Variants in STK24 observed in about 807,000 individuals in gnomAD.
STK24 encodes serine/threonine-protein kinase 24.
STK24 carries 21 observed loss-of-function variants against 55.6 expected under a neutral mutation model. That is an observed-to-expected ratio of 0.38 (90% CI 0.27 to 0.54). The LOEUF is 0.54. Ranked by LOEUF, STK24 falls within the 20% of genes least tolerant of loss-of-function variation. STK24 has a pLI of 0.79. For missense variants in STK24, 383 were observed against 538.4 expected (o/e 0.71, Z 2.86); for synonymous variants, 200 against 215.2 (o/e 0.93, Z 0.62).
At chr13:98,535,694 A>G (rs1474424090) in intron 1 of STK24, among the ~76,000 whole-genome samples, 1 of 152,128 alleles carries the variant, frequency 6.6e-6, no homozygotes, top group Non-Finnish European at 1.5e-5. Context: ...CAGCTGAGAC[A>G]ATTCGGGCAC....
At position 98,569,567 on chromosome 13, in the gene STK24, G is replaced by A. The variant is rs185405480; in HGVS notation, c.42+7178C>T. On this transcript the variant is annotated intron_variant, in intron 1 of 10. Coordinates refer to ENST00000539966, the MANE Select transcript of STK24 (RefSeq NM_001032296.4). ...GTGACGAAAGGCACAGGTGCCACCCGAACTTCCTAAGACAAGGTTGCAACA... is the reference window on the plus strand; with the variant it reads ...GTGACGAAAGGCACAGGTGCCACCCAAACTTCCTAAGACAAGGTTGCAACA... 2.5e-3 allele frequency among the ~76,000 whole-genome samples: 373 copies of A among 152,236 alleles called. 3 individuals are homozygous for A. The highest frequency in any genetic ancestry group is 8.2e-3 in the African/African-American group (339 of 41,542).
At chr13:98,543,084 C>G (rs1896932917) in intron 1 of STK24, 1 of 925,088 alleles carries the variant, frequency 1.1e-6, no homozygotes, top group Non-Finnish European at 1.3e-6. Context: ...GGGGGAGAGG[C>G]CGCAGCTCCG....
At chr13:98,514,759 T>C (rs1464698086) in intron 2 of STK24, among the ~76,000 whole-genome samples, 1 of 152,210 alleles carries the variant, frequency 6.6e-6, no homozygotes, top group Non-Finnish European at 1.5e-5. Flanking sequence ...AAATAATTTA[T>C]CATAAAAGAA....
rs775223138 is a variant in STK24, at chr13:98,475,289, A to G, written c.400T>C (p.Tyr134His). 1 of 1,613,852 alleles carries G rather than the reference A, an allele frequency of 6.2e-7. No individual in the cohort carries two copies. Among genetic ancestry groups the G allele is most frequent in the Non-Finnish European group, 8.5e-7 (1 of 1,179,828 alleles). ...ILREILKGLD[Y>H]LHSEKKIHRD... ...TGGATTTTCTTCTCCGAATGGAGAT[A>G]ATCGAGTCCTTTCAGTATTTCTCTT... The change falls in exon 4 of 11, where the codon TAT (tyrosine) becomes CAT (histidine). Residue 134 changes from tyrosine to histidine, a missense_variant. Tyr to His is a moderately conservative substitution (Grantham distance 83). Transcript: ENST00000539966.
At chr13:98,563,256 C>T (rs955444279) in intron 1 of STK24, among the ~76,000 whole-genome samples, 3 of 152,256 alleles carry the variant, frequency 2.0e-5, no homozygotes, top group Admixed American at 6.5e-5. Flanking sequence ...CCCAGAATAC[C>T]GATGCTATTA....
intron 1 of STK24, among the ~76,000 whole-genome samples, chr13:98,535,396 T>TACACAC (rs1566392211): frequency 1.0e-4 from 6 of 60,090 alleles, no homozygotes; most frequent in African/African-American, 5.0e-4. Context: ...TATATGTGTG[T>TACACAC]ATACACACAC....
intron 2 of STK24, among the ~76,000 whole-genome samples, chr13:98,504,324 G>A (rs763501626): frequency 2.0e-5 from 3 of 152,214 alleles, no homozygotes; most frequent in Non-Finnish European, 4.4e-5. Flanking sequence ...TCAAGCCTGT[G>A]CAAGGTTGCA....
chr13:98,495,718 CTTTTA>C (rs1258156837), intron 2 of STK24, among the ~76,000 whole-genome samples: 1 of 152,200 alleles, frequency 6.6e-6, no homozygotes, highest in African/African-American at 2.4e-5. Flanking sequence ...CAAAGCAGAT[CTTTTA>C]TATTATCTTC....
At position 98,446,825 on chromosome 13, in the gene STK24, C is replaced by T; in HGVS notation, c.*6348G>A. The T allele has an allele frequency of 1.2e-6, 2 of 1,613,854 alleles. No individual in the cohort carries two copies. The highest frequency in any genetic ancestry group is 8.5e-7 in the Non-Finnish European group (1 of 1,179,848). ...CGAGTACACGTTCGAAAGGTAGACACCCCCTTCCCACGCACAGGGCCCTGC... is the reference window on the plus strand; with the variant it reads ...CGAGTACACGTTCGAAAGGTAGACATCCCCTTCCCACGCACAGGGCCCTGC... On this transcript the variant is annotated 3_prime_UTR_variant, in exon 11 of 11. Transcript: ENST00000539966.
intron 5 of STK24, among the ~76,000 whole-genome samples, chr13:98,469,542 C>CA (rs1236883813): frequency 1.5e-5 from 2 of 133,794 alleles, no homozygotes; most frequent in Non-Finnish European, 3.4e-5. Flanking sequence ...CATCCCCCCC[C>CA]CCAAAAAAAA....
chr13:98,518,273 T>C (rs1189791197), intron 2 of STK24, among the ~76,000 whole-genome samples: 2 of 152,176 alleles, frequency 1.3e-5, no homozygotes, highest in African/African-American at 2.4e-5. Context: ...ACTGTATTTC[T>C]ACAAAAGCAA....
intron 8 of STK24, among the ~76,000 whole-genome samples, chr13:98,461,062 G>T (rs1172360667): frequency 6.6e-6 from 1 of 150,968 alleles, no homozygotes; most frequent in Non-Finnish European, 1.5e-5. Context: ...AAAAGAGAGA[G>T]AGAGAGAGAG....
rs1289141375 is a variant in STK24 at position 98,552,438 on chromosome 13, C to T, written c.42+24307G>A. On this transcript the variant is annotated intron_variant, in intron 1 of 10. Coordinates refer to ENST00000539966, the MANE Select transcript of STK24 (RefSeq NM_001032296.4). ...AGAGGCAAACCATCTGCAGCTAAGC[C>T]GGCGGAGGTCTTCTTCCACTCAACC... is the stretch of plus-strand genomic sequence containing the variant. 3.9e-5 allele frequency among the ~76,000 whole-genome samples: 6 copies of T among 152,186 alleles called. No homozygotes were observed. In the East Asian group the frequency reaches 7.7e-4, roughly 20 times the overall value.
intron 1 of STK24, among the ~76,000 whole-genome samples, chr13:98,561,374 G>A (rs190268466): frequency 1.7e-4 from 26 of 151,920 alleles, no homozygotes; most frequent in Non-Finnish European, 3.7e-4. Context: ...CTTGAGGTCA[G>A]GAGTTCAAGA....
intron 1 of STK24, among the ~76,000 whole-genome samples, chr13:98,562,356 C>T (rs2139453277): frequency 6.6e-6 from 1 of 152,274 alleles, no homozygotes; most frequent in Middle Eastern, 3.4e-3. Context: ...ACCATGTACG[C>T]ATAACGGGGC....
At position 98,453,126 on chromosome 13, in the gene STK24, T is replaced by C. The variant is rs780140974; in HGVS notation, c.*47A>G. ...GTTGACTTTTAAAAAAGGAGGAGGA[T>C]GAAGAAGGAAAAAAGGAAAAACAAA... On this transcript the variant is annotated 3_prime_UTR_variant, in exon 11 of 11. Transcript: ENST00000539966. 3 of 1,606,308 alleles carry C rather than the reference T, an allele frequency of 1.9e-6. No homozygotes were observed. The highest frequency in any genetic ancestry group is 2.2e-5 in the South Asian group (2 of 90,632).
intron 1 of STK24, among the ~76,000 whole-genome samples, chr13:98,549,085 C>T (rs1036519317): frequency 1.3e-5 from 2 of 152,142 alleles, no homozygotes; most frequent in African/African-American, 4.8e-5. Flanking sequence ...GTAGATAACA[C>T]ATGCTGTGAA....
chr13:98,537,366 T>C (rs890461429), intron 1 of STK24, among the ~76,000 whole-genome samples: 11 of 152,206 alleles, frequency 7.2e-5, no homozygotes, highest in African/African-American at 2.7e-4. Context: ...GATGTCTGCT[T>C]TGAACAGCAG....
In STK24 at chr13:98,447,991, G is replaced by A; in HGVS notation, c.*5182C>T. On this transcript the variant is annotated 3_prime_UTR_variant, in exon 11 of 11. Coordinates refer to ENST00000539966, the MANE Select transcript of STK24 (RefSeq NM_001032296.4). ...CCACCTCGCTCCTAACTGCTCCAAT[G>A]GAGCGGGCAGTGTCACTGCAGCAAG... 1 of 550,794 alleles carries A rather than the reference G, an allele frequency of 1.8e-6. No homozygotes were observed. The allele number at this position is 550,794 out of a possible 1,614,324, so 34.1% of individuals were successfully genotyped here.
Sources: allele counts gnomAD v4.1 joint callset (sites outside exome capture counted in the v4.1 genomes callset), GRCh38; gene constraint gnomAD v4.1.1; transcripts MANE v1.5; gene names NCBI Gene and HGNC (gene_info 2026-07-23, HGNC 2026-07-21).